PTPRD: variants seen among roughly 807,000 people sequenced by gnomAD.
The protein encoded by PTPRD is protein tyrosine phosphatase receptor type D, also known as receptor-type tyrosine-protein phosphatase delta.
In PTPRD, 34 loss-of-function variants were observed where a neutral mutation model predicts 214.5. The ratio of observed to expected loss-of-function variants is 0.16; its 90% CI spans 0.12 to 0.21. The LOEUF (loss-of-function observed/expected upper bound fraction) is 0.21, where lower values mean the gene tolerates loss of function less well. Ranked by LOEUF, PTPRD falls within the 10% of genes least tolerant of loss-of-function variation. The probability of loss-of-function intolerance (pLI) is 1.00; values close to 1 mark genes in which losing one functional copy is unlikely to be tolerated. For synonymous variants in PTPRD, 1,128 were observed against 845.7 expected (o/e 1.33, Z -5.79); for missense variants, 2,545 against 2,398.7 (o/e 1.06, Z -1.27).
Position 8,402,156 on chromosome 9 carries a change from G to C in PTPRD, c.4210+2381C>G, listed in dbSNP as rs117992645. ...GTAATTTAGATGAAAGCTCTCTATAGCTCATGAACTTCAATTAAATGCTTC... is the reference window on the plus strand; with the variant it reads ...GTAATTTAGATGAAAGCTCTCTATACCTCATGAACTTCAATTAAATGCTTC... On this transcript the variant is annotated intron_variant, in intron 36 of 45. Coordinates refer to ENST00000381196, the MANE Select transcript of PTPRD (RefSeq NM_002839.4). 7.6e-4 allele frequency among the ~76,000 whole-genome samples: 115 copies of C among 152,224 alleles called. 1 individual carries two copies. Among genetic ancestry groups the C allele is most frequent in the Middle Eastern group, 3.4e-3 (1 of 294 alleles).
intron 8 of PTPRD, among the ~76,000 whole-genome samples, chr9:9,551,953 A>G (rs1253993524): frequency 6.6e-6 from 1 of 151,998 alleles, no homozygotes; most frequent in Non-Finnish European, 1.5e-5. Flanking sequence ...GTGAGAAAAA[A>G]AAAATGAGGA....
At chr9:9,852,423 A>G (rs2060721326) in intron 5 of PTPRD, among the ~76,000 whole-genome samples, 1 of 152,102 alleles carries the variant, frequency 6.6e-6, no homozygotes, top group African/African-American at 2.4e-5. Flanking sequence ...GCAGACAAAA[A>G]CTATTAGATA....
intron 32 of PTPRD, among the ~76,000 whole-genome samples, chr9:8,464,620 C>T (rs1457826364): frequency 6.6e-6 from 1 of 151,826 alleles, no homozygotes; most frequent in Non-Finnish European, 1.5e-5. Flanking sequence ...TATTTAGACA[C>T]CGATTAGAAA....
At chr9:8,488,396 A>T (rs1563761585) in intron 27 of PTPRD, among the ~76,000 whole-genome samples, 1 of 152,238 alleles carries the variant, frequency 6.6e-6, no homozygotes, top group East Asian at 1.9e-4. Flanking sequence ...TTTTAGATAA[A>T]TAATTATTCA....
At chr9:9,240,019 A>AT (rs938598587) in intron 9 of PTPRD, among the ~76,000 whole-genome samples, 2 of 152,140 alleles carry the variant, frequency 1.3e-5, no homozygotes, top group African/African-American at 4.8e-5. Context: ...ATTGGTTTCA[A>AT]TTTTTCAAAA....
intron 39 of PTPRD, among the ~76,000 whole-genome samples, chr9:8,365,827 A>C (rs1037069541): frequency 1.3e-5 from 2 of 152,186 alleles, no homozygotes; most frequent in African/African-American, 4.8e-5. Flanking sequence ...CTTGGGGAGA[A>C]AGAGAGACCC....
At chr9:10,384,566 T>C (rs2097880059) in intron 2 of PTPRD, among the ~76,000 whole-genome samples, 1 of 151,716 alleles carries the variant, frequency 6.6e-6, no homozygotes, top group Admixed American at 6.6e-5. Context: ...GTAGGAATGA[T>C]AGCCCCAATC....
chr9:10,053,959 A>C (rs1771815164), intron 3 of PTPRD, among the ~76,000 whole-genome samples: 1 of 152,050 alleles, frequency 6.6e-6, no homozygotes, highest in Non-Finnish European at 1.5e-5. Flanking sequence ...AGGTTTCATC[A>C]TGTTGGCCAG....
intron 12 of PTPRD, among the ~76,000 whole-genome samples, chr9:8,645,524 C>A (rs1206720065): frequency 6.6e-6 from 1 of 152,112 alleles, no homozygotes; most frequent in Non-Finnish European, 1.5e-5. Context: ...CTCTCAATTC[C>A]TTTAGAATGA....
At chr9:8,523,573 G>T (rs779286147) in intron 18 of PTPRD, 49 bp from the exon 19 acceptor site, 18 of 1,606,916 alleles carry the variant, frequency 1.1e-5, no homozygotes, top group Non-Finnish European at 1.5e-5. Flanking sequence ...ATGAGGAAAG[G>T]AGAAAAACAA....
intron 5 of PTPRD, among the ~76,000 whole-genome samples, chr9:9,924,407 A>G (rs1454120039): frequency 6.6e-6 from 1 of 152,058 alleles, no homozygotes. Flanking sequence ...CTGTTATTAT[A>G]AGCCTCTTAA....
intron 37 of PTPRD, among the ~76,000 whole-genome samples, chr9:8,383,724 C>G (rs2085956860): frequency 6.6e-6 from 1 of 152,292 alleles, no homozygotes; most frequent in South Asian, 2.1e-4. Context: ...CAAAATTTCA[C>G]TCCCCATCTC....
intron 36 of PTPRD, among the ~76,000 whole-genome samples, chr9:8,395,818 C>T (rs1167663243): frequency 6.6e-6 from 1 of 151,954 alleles, no homozygotes; most frequent in Non-Finnish European, 1.5e-5. Context: ...TGAGAATGGA[C>T]ACAGGAAAGT....
intron 7 of PTPRD, among the ~76,000 whole-genome samples, chr9:9,643,186 G>C (rs74993210): frequency 4.6e-5 from 7 of 151,792 alleles, no homozygotes; most frequent in Non-Finnish European, 1.0e-4. Context: ...ACACAGTTTA[G>C]AATGTCCTTT....
chr9:8,676,729 A>G (rs1321988012), intron 12 of PTPRD, among the ~76,000 whole-genome samples: 1 of 152,080 alleles, frequency 6.6e-6, no homozygotes, highest in Non-Finnish European at 1.5e-5. Context: ...ATGCGCCACC[A>G]TGCCCAGCTA....
chr9:9,888,438 G>T (rs2071823468), intron 5 of PTPRD, among the ~76,000 whole-genome samples: 1 of 152,124 alleles, frequency 6.6e-6, no homozygotes, highest in Admixed American at 6.6e-5. Context: ...CTCATCTTCA[G>T]TGTTGGAGGT....
At chr9:10,297,047 A>C (rs561805605) in intron 3 of PTPRD, among the ~76,000 whole-genome samples, 1 of 150,338 alleles carries the variant, frequency 6.7e-6, no homozygotes, top group South Asian at 2.1e-4. Context: ...CAGTATGGTA[A>C]ATCTGAGTTT....
At chr9:9,948,909 TATAA>T (rs1441184663) in intron 4 of PTPRD, among the ~76,000 whole-genome samples, 3 of 152,168 alleles carry the variant, frequency 2.0e-5, no homozygotes, top group Middle Eastern at 3.4e-3. Context: ...CTATTTGAAA[TATAA>T]ATAAAGCAGT....
intron 10 of PTPRD, among the ~76,000 whole-genome samples, chr9:9,086,805 G>A (rs1200072770): frequency 6.6e-6 from 1 of 152,126 alleles, no homozygotes; most frequent in Non-Finnish European, 1.5e-5. Context: ...GACTGGTTAG[G>A]TGAGTCACAG....
Sources: allele counts gnomAD v4.1 joint callset (sites outside exome capture counted in the v4.1 genomes callset), GRCh38; gene constraint gnomAD v4.1.1; transcripts MANE v1.5; gene names NCBI Gene and HGNC (gene_info 2026-07-23, HGNC 2026-07-21).